The following SUPT3H variants were observed in gnomAD, a reference collection of about 807,000 sequenced individuals.
The protein encoded by SUPT3H is SPT3 homolog, SAGA and STAGA complex component.
Under a neutral mutation model 44.3 loss-of-function variants are expected in SUPT3H, and 44 were observed. The ratio of observed to expected loss-of-function variants is 0.99; its 90% CI spans 0.78 to 1.28. The LOEUF (loss-of-function observed/expected upper bound fraction) is 1.28, where lower values mean the gene tolerates loss of function less well. Ranked by LOEUF, SUPT3H falls within the 50% of genes most tolerant of loss-of-function variation. SUPT3H has a pLI of 0.00. For synonymous variants in SUPT3H, 124 were observed against 125.6 expected (o/e 0.99, Z 0.09); for missense variants, 380 against 387.1 (o/e 0.98, Z 0.15).
At chr6:45,362,842 A>G (rs745754144) in intron 2 of SUPT3H, among the ~76,000 whole-genome samples, 12 of 142,992 alleles carry the variant, frequency 8.4e-5, no homozygotes, top group Non-Finnish European at 1.3e-4. Flanking sequence ...ATTTTTTCTC[A>G]GTTTTTTTAA....
chr6:45,234,512 C>G (rs1253546425), intron 2 of SUPT3H, among the ~76,000 whole-genome samples: 1 of 127,452 alleles, frequency 7.8e-6, no homozygotes, highest in Non-Finnish European at 1.6e-5. Flanking sequence ...GCCTGGGAGA[C>G]AGAACGAGAC....
intron 2 of SUPT3H, among the ~76,000 whole-genome samples, chr6:45,229,985 C>A (rs1172842317): frequency 6.6e-6 from 1 of 152,158 alleles, no homozygotes; most frequent in Non-Finnish European, 1.5e-5. Context: ...CTTTCCCCCA[C>A]CCTCCCAACT....
chr6:45,100,473 T>A (rs1364836392), intron 3 of SUPT3H, among the ~76,000 whole-genome samples: 6 of 132,524 alleles, frequency 4.5e-5, no homozygotes, highest in Middle Eastern at 4.6e-3. Flanking sequence ...CTCATGAGGC[T>A]GAGGGGGGAA....
intron 2 of SUPT3H, among the ~76,000 whole-genome samples, chr6:45,235,295 A>G (rs1768883158): frequency 6.6e-6 from 1 of 152,176 alleles, no homozygotes; most frequent in Non-Finnish European, 1.5e-5. Context: ...AAAAGTTTAA[A>G]TTACTGATAA....
chr6:45,104,237 A>C (rs982608375), intron 3 of SUPT3H, among the ~76,000 whole-genome samples: 5 of 152,136 alleles, frequency 3.3e-5, no homozygotes, highest in Admixed American at 1.3e-4. Flanking sequence ...TTTAAAGGAA[A>C]AGTTATAATG....
At chr6:45,031,064 A>G (rs536401556) in intron 3 of SUPT3H, among the ~76,000 whole-genome samples, 1 of 152,322 alleles carries the variant, frequency 6.6e-6, no homozygotes, top group African/African-American at 2.4e-5. Flanking sequence ...TCTTTGTCTC[A>G]TAACATTTTT....
At chr6:45,040,781 A>G (rs1020633456) in intron 3 of SUPT3H, among the ~76,000 whole-genome samples, 1 of 152,206 alleles carries the variant, frequency 6.6e-6, no homozygotes, top group African/African-American at 2.4e-5. Context: ...TGATACGGAA[A>G]TTCAGACAAC....
At chr6:45,275,923 G>T (rs1383337726) in intron 2 of SUPT3H, among the ~76,000 whole-genome samples, 1 of 151,818 alleles carries the variant, frequency 6.6e-6, no homozygotes, top group Non-Finnish European at 1.5e-5. Context: ...TCCTATTATT[G>T]TCTACTAACT....
At chr6:45,368,255 G>C (rs186156455) in intron 1 of SUPT3H, among the ~76,000 whole-genome samples, 1 of 152,110 alleles carries the variant, frequency 6.6e-6, no homozygotes, top group South Asian at 2.1e-4. Context: ...GAGTTTAAAT[G>C]TGAACCCAAG....
chr6:45,199,143 A>G (rs973449412), intron 2 of SUPT3H, among the ~76,000 whole-genome samples: 2 of 151,308 alleles, frequency 1.3e-5, no homozygotes, highest in African/African-American at 4.8e-5. Context: ...CTCAAAGACA[A>G]TAAAATACAC....
chr6:44,942,600 T>G (rs1582650744), intron 9 of SUPT3H, among the ~76,000 whole-genome samples: 1 of 152,122 alleles, frequency 6.6e-6, no homozygotes, highest in East Asian at 1.9e-4. Flanking sequence ...ACCCAAATAT[T>G]TTTTTGTGGG....
At chr6:45,061,540 G>A (rs1419835852) in intron 3 of SUPT3H, among the ~76,000 whole-genome samples, 2 of 152,052 alleles carry the variant, frequency 1.3e-5, no homozygotes, top group Admixed American at 6.6e-5. Flanking sequence ...AACCACCATG[G>A]CACAAGTTTA....
chr6:45,310,841 T>C (rs1783834619), intron 2 of SUPT3H, among the ~76,000 whole-genome samples: 1 of 152,096 alleles, frequency 6.6e-6, no homozygotes, highest in Non-Finnish European at 1.5e-5. Context: ...AACCAGGAAA[T>C]CAACCCTGGT....
chr6:44,816,627 G>A (rs1172797728), intron 11 of SUPT3H, among the ~76,000 whole-genome samples: 2 of 152,264 alleles, frequency 1.3e-5, no homozygotes, highest in East Asian at 3.9e-4. Context: ...GGAAGCAGCA[G>A]GCCCAAACTC....
chr6:45,039,344 C>T (rs1039221168), intron 3 of SUPT3H, among the ~76,000 whole-genome samples: 3 of 151,938 alleles, frequency 2.0e-5, no homozygotes, highest in South Asian at 2.1e-4. Flanking sequence ...TGAGGTGGTA[C>T]GTGTGATAGG....
At chr6:44,888,170 G>A (rs188267144) in intron 10 of SUPT3H, among the ~76,000 whole-genome samples, 31 of 152,224 alleles carry the variant, frequency 2.0e-4, no homozygotes, top group South Asian at 1.2e-3. Context: ...ATTCACAGCC[G>A]AATTCTATCA....
At chr6:45,142,039 C>T (rs766848895) in intron 2 of SUPT3H, among the ~76,000 whole-genome samples, 2 of 152,164 alleles carry the variant, frequency 1.3e-5, no homozygotes, top group East Asian at 1.9e-4. Flanking sequence ...GTAAGATTAA[C>T]AGCAGATTTC....
intron 10 of SUPT3H, among the ~76,000 whole-genome samples, chr6:44,841,994 T>G (rs116643151): frequency 6.6e-6 from 1 of 152,162 alleles, no homozygotes; most frequent in African/African-American, 2.4e-5. Flanking sequence ...TAAAGACAAA[T>G]AAGGCAGGAT....
intron 2 of SUPT3H, among the ~76,000 whole-genome samples, chr6:45,209,222 C>G (rs1239111109): frequency 1.3e-5 from 2 of 152,308 alleles, no homozygotes; most frequent in African/African-American, 4.8e-5. Context: ...ATCCATTCTG[C>G]AGCCCATGGA....
Sources: gnomAD v4.1 joint callset for allele counts (sites outside exome capture counted in the v4.1 genomes callset) on GRCh38, gnomAD v4.1.1 for gene constraint, MANE v1.5 for transcripts, NCBI Gene and HGNC (gene_info 2026-07-23, HGNC 2026-07-21) for gene names.